Variants in ASTN2 observed in about 807,000 individuals in gnomAD.
The protein encoded by ASTN2 is astrotactin-2.
ASTN2 carries 54 observed loss-of-function variants against 139.8 expected under a neutral mutation model. The ratio of observed to expected loss-of-function variants is 0.39; its 90% CI spans 0.31 to 0.48. ASTN2 has a LOEUF of 0.48. Among genes scored for constraint, ASTN2 ranks in the 20% least tolerant of loss-of-function variants. The probability of loss-of-function intolerance (pLI) is 0.95; values close to 1 mark genes in which losing one functional copy is unlikely to be tolerated. For missense variants in ASTN2, 1,565 were observed against 1,725.1 expected (o/e 0.91, Z 1.64); for synonymous variants, 756 against 719.5 (o/e 1.05, Z -0.81).
At chr9:116,622,352 A>G (rs1415623937) in intron 17 of ASTN2, among the ~76,000 whole-genome samples, 4 of 152,192 alleles carry the variant, frequency 2.6e-5, no homozygotes, top group African/African-American at 4.8e-5. Flanking sequence ...GAATGAATGA[A>G]TGATCAAATT....
chr9:116,808,441 A>G (rs900849959), intron 12 of ASTN2, among the ~76,000 whole-genome samples: 1 of 152,206 alleles, frequency 6.6e-6, no homozygotes, highest in Non-Finnish European at 1.5e-5. Context: ...TTGTTGTGAG[A>G]CATGCATTTG....
chr9:117,059,556 T>G (rs1459422124), intron 5 of ASTN2, among the ~76,000 whole-genome samples: 2 of 152,132 alleles, frequency 1.3e-5, no homozygotes, highest in Admixed American at 1.3e-4. Flanking sequence ...GAGGTTGCAG[T>G]GAGCCGAGAT....
chr9:116,993,432 T>C (rs1342352511), intron 7 of ASTN2, among the ~76,000 whole-genome samples: 1 of 151,788 alleles, frequency 6.6e-6, no homozygotes, highest in African/African-American at 2.4e-5. Flanking sequence ...TTCTGCAACA[T>C]GTACAGCCCC....
intron 1 of ASTN2, among the ~76,000 whole-genome samples, chr9:117,313,431 C>T (rs1035142115): frequency 6.6e-6 from 1 of 152,132 alleles, no homozygotes; most frequent in Non-Finnish European, 1.5e-5. Flanking sequence ...CTCAAGGCAG[C>T]CTGAGAAGTG....
chr9:116,615,266 C>T (rs1229585855), intron 19 of ASTN2, among the ~76,000 whole-genome samples: 2 of 152,278 alleles, frequency 1.3e-5, no homozygotes, highest in East Asian at 3.9e-4. Flanking sequence ...AAGACTTTTA[C>T]ACTGTTGGTG....
intron 1 of ASTN2, among the ~76,000 whole-genome samples, chr9:117,353,723 A>G (rs924593033): frequency 6.6e-6 from 1 of 152,096 alleles, no homozygotes; most frequent in African/African-American, 2.4e-5. Flanking sequence ...CATTGCCCTA[A>G]TCGCGCCATC....
chr9:117,305,598 C>T (rs905493166), intron 1 of ASTN2, among the ~76,000 whole-genome samples: 3 of 152,176 alleles, frequency 2.0e-5, no homozygotes, highest in African/African-American at 7.2e-5. Context: ...AAAGTAGCGT[C>T]ATAATAATCA....
chr9:116,956,094 C>CT (rs71379245), intron 10 of ASTN2, among the ~76,000 whole-genome samples: 77,051 of 119,202 alleles, frequency 0.65, 27,019 homozygotes, highest in Admixed American at 0.78. Context: ...TTTTTCTTTT[C>CT]TTTTTTTTTT....
At chr9:117,060,418 G>GAAA in intron 5 of ASTN2, among the ~76,000 whole-genome samples, 1 of 89,462 alleles carries the variant, frequency 1.1e-5, no homozygotes, top group African/African-American at 5.5e-5. Context: ...AAGAAGGAAA[G>GAAA]GAAGGAAGGA....
intron 2 of ASTN2, among the ~76,000 whole-genome samples, chr9:117,237,952 A>G (rs1833093656): frequency 6.6e-6 from 1 of 151,952 alleles, no homozygotes; most frequent in Admixed American, 6.6e-5. Flanking sequence ...GGCTAGCTCA[A>G]CTCCCTGGAG....
intron 13 of ASTN2, among the ~76,000 whole-genome samples, chr9:116,744,058 G>A (rs1362289839): frequency 6.6e-6 from 1 of 152,132 alleles, no homozygotes; most frequent in African/African-American, 2.4e-5. Flanking sequence ...TGGAGGAGGT[G>A]AGACTTGACA....
chr9:116,970,336 T>C, intron 10 of ASTN2, among the ~76,000 whole-genome samples: 1 of 152,216 alleles, frequency 6.6e-6, no homozygotes, highest in East Asian at 1.9e-4. Context: ...TTCTAGGTCA[T>C]GCGAATGCTA....
Position 116,626,463 on chromosome 9 carries a change from G to A in ASTN2, c.3073-6020C>T, listed in dbSNP as rs142606090. 3.3e-4 allele frequency among the ~76,000 whole-genome samples: 50 copies of A among 152,054 alleles called. No individual in the cohort carries two copies. The East Asian group carries it at 9.1e-3, about 28-fold the overall frequency. On this transcript the variant is annotated intron_variant, in intron 17 of 22. Coordinates refer to ENST00000313400, the MANE Select transcript of ASTN2 (RefSeq NM_001365068.1). ...ATGTTCTGCCAAGGATTAAACTTGT[G>A]TACTTGATATTATTGTGTTCTTCTA...
intron 5 of ASTN2, among the ~76,000 whole-genome samples, chr9:117,043,388 C>T (rs1287706978): frequency 3.3e-5 from 5 of 152,094 alleles, no homozygotes; most frequent in African/African-American, 1.2e-4. Context: ...ATATCTCATT[C>T]CTGGCCCACA....
At chr9:116,803,083 T>C (rs1006461391) in intron 13 of ASTN2, among the ~76,000 whole-genome samples, 2 of 152,204 alleles carry the variant, frequency 1.3e-5, no homozygotes, top group South Asian at 2.1e-4. Flanking sequence ...TTTTAAAACT[T>C]GTGTGTGTCA....
intron 6 of ASTN2, among the ~76,000 whole-genome samples, chr9:117,025,334 C>T (rs955564975): frequency 1.3e-5 from 2 of 152,094 alleles, no homozygotes; most frequent in Admixed American, 1.3e-4. Flanking sequence ...CCACAATGTG[C>T]CCTCACCCCT....
intron 7 of ASTN2, among the ~76,000 whole-genome samples, chr9:117,006,958 A>G (rs1268276588): frequency 6.6e-6 from 1 of 152,050 alleles, no homozygotes; most frequent in Non-Finnish European, 1.5e-5. Flanking sequence ...CTCTACTAAA[A>G]ATACAAAAAT....
At chr9:116,632,232 A>AGAAAGAAAGAAGGAAG (rs1220202149) in intron 17 of ASTN2, among the ~76,000 whole-genome samples, 1 of 130,728 alleles carries the variant, frequency 7.6e-6, no homozygotes, top group Non-Finnish European at 1.6e-5. Flanking sequence ...AAAGAAAGAA[A>AGAAAGAAAGAAGGAAG]GAAAGAAAGA....
chr9:116,965,692 C>T (rs1211119280), intron 10 of ASTN2, among the ~76,000 whole-genome samples: 22 of 152,152 alleles, frequency 1.4e-4, no homozygotes. Flanking sequence ...ATAGAGTTGC[C>T]ATTAAGCTAA....
Sources: gnomAD v4.1 joint callset for allele counts (sites outside exome capture counted in the v4.1 genomes callset) on GRCh38, gnomAD v4.1.1 for gene constraint, MANE v1.5 for transcripts, NCBI Gene and HGNC (gene_info 2026-07-23, HGNC 2026-07-21) for gene names.